Variants in MAF observed in about 807,000 individuals in gnomAD.
MAF encodes the protein MAF bZIP transcription factor, also known as transcription factor Maf.
A neutral mutation model predicts 22.0 loss-of-function variants in MAF; 10 were observed. The ratio of observed to expected loss-of-function variants is 0.45; its 90% CI spans 0.28 to 0.77. The LOEUF is 0.77. MAF is among the 30% of genes least tolerant of loss of function. The probability of loss-of-function intolerance (pLI) is 0.12; values close to 1 mark genes in which losing one functional copy is unlikely to be tolerated. For synonymous variants in MAF, 337 were observed against 255.8 expected, an observed-to-expected ratio of 1.32 and a Z score of -3.03; for missense variants, 544 against 548.4, an observed-to-expected ratio of 0.99 and a Z score of 0.08.
the MAF span, among the ~76,000 whole-genome samples, chr16:79,574,337 T>A: frequency 6.6e-6 from 1 of 152,208 alleles, no homozygotes; most frequent in Non-Finnish European, 1.5e-5. Flanking sequence ...TGATGACAAA[T>A]AAATAAATAT....
Position 79,599,371 on chromosome 16 carries a change from C to T in MAF, c.532G>A (p.Gly178Ser). 2.0e-6 allele frequency: 2 copies of T among 1,000,144 alleles called. No homozygotes were observed. Among genetic ancestry groups the T allele is most frequent in the Non-Finnish European group, 2.4e-6 (2 of 841,572 alleles). 62.0% of individuals were successfully genotyped at this position (1,000,144 alleles called of 1,614,324 possible). A position where few individuals can be genotyped will look rare whatever the true frequency, so the allele number is the denominator to read the frequency against. ...IAAAAAQSGA[G>S]PHYHHHHHHA... The stretch of plus-strand genomic sequence containing the variant: ...TGGTGGTGGTGGTGGTAGTGCGGGC[C>T]CGCGCCGCTCTGCGCGGCGGCCGCG... The change falls in exon 1 of 2, where the codon GGC (glycine) becomes AGC (serine). Residue 178 changes from glycine to serine, a missense_variant. Physicochemically the swap from Gly to Ser is moderately conservative, Grantham distance 56. Transcript: ENST00000326043.
the MAF span, among the ~76,000 whole-genome samples, chr16:79,335,729 G>T: frequency 6.6e-6 from 1 of 152,188 alleles, no homozygotes. Context: ...TGCTGGGGCC[G>T]GGAATCAGGA....
At chr16:79,502,809 T>A in the MAF span, among the ~76,000 whole-genome samples, 1 of 143,236 alleles carries the variant, frequency 7.0e-6, no homozygotes, top group Non-Finnish European at 1.5e-5. Flanking sequence ...GGGGATTAAT[T>A]ATAAAAAAAA....
the MAF span, among the ~76,000 whole-genome samples, chr16:79,211,042 T>C: frequency 6.6e-6 from 1 of 151,846 alleles, no homozygotes; most frequent in African/African-American, 2.4e-5. Flanking sequence ...GGAGTGTGTG[T>C]GTGTGTGTGT....
chr16:79,587,680 T>C (rs778851214), intron 1 of MAF, among the ~76,000 whole-genome samples: 2 of 152,134 alleles, frequency 1.3e-5, no homozygotes, highest in Non-Finnish European at 2.9e-5. Flanking sequence ...CCTGACCATA[T>C]CATTGATAGT....
chr16:79,564,065 G>A, the MAF span, among the ~76,000 whole-genome samples: 2 of 152,208 alleles, frequency 1.3e-5, no homozygotes, highest in Admixed American at 6.5e-5. Flanking sequence ...ATTTCAAGTG[G>A]AGCAGACCCT....
chr16:79,564,168 A>C, the MAF span, among the ~76,000 whole-genome samples: 1 of 152,214 alleles, frequency 6.6e-6, no homozygotes, highest in African/African-American at 2.4e-5. Flanking sequence ...AATTAAATGC[A>C]AAGTCCTGGC....
the MAF span, among the ~76,000 whole-genome samples, chr16:79,383,586 G>A: frequency 2.0e-5 from 3 of 152,174 alleles, no homozygotes; most frequent in African/African-American, 4.8e-5. Flanking sequence ...GCCATGTGAC[G>A]CCAGGCCTCA....
the MAF span, among the ~76,000 whole-genome samples, chr16:79,562,454 A>G: frequency 6.6e-6 from 1 of 152,208 alleles, no homozygotes; most frequent in Non-Finnish European, 1.5e-5. Context: ...TATAGGAGTC[A>G]GAGATATAGT....
At chr16:79,523,258 G>A in the MAF span, among the ~76,000 whole-genome samples, 3 of 152,154 alleles carry the variant, frequency 2.0e-5, no homozygotes. Flanking sequence ...CTCTACCATA[G>A]CAAAGGAGGG....
the MAF span, among the ~76,000 whole-genome samples, chr16:79,373,404 A>T: frequency 1.7e-5 from 1 of 57,864 alleles, no homozygotes; most frequent in Admixed American, 2.8e-4. Context: ...TTTTTTTGAG[A>T]CACAGTCTCG....
At chr16:79,466,603 G>A in the MAF span, among the ~76,000 whole-genome samples, 19 of 152,152 alleles carry the variant, frequency 1.2e-4, no homozygotes, top group African/African-American at 4.3e-4. Context: ...CTACACACCT[G>A]GTGGTCAGCA....
the MAF span, among the ~76,000 whole-genome samples, chr16:79,561,245 AT>A: frequency 1.3e-3 from 189 of 147,756 alleles, no homozygotes; most frequent in African/African-American, 4.0e-3. Flanking sequence ...TATTTTAAAC[AT>A]TTTTTTTTCC....
the MAF span, among the ~76,000 whole-genome samples, chr16:79,259,256 CT>C: frequency 3.2e-4 from 48 of 152,190 alleles, no homozygotes; most frequent in Non-Finnish European, 2.9e-4. Context: ...GATGCCCACG[CT>C]TGCCCACTCC....
the MAF span, among the ~76,000 whole-genome samples, chr16:79,392,856 T>C: frequency 6.6e-6 from 1 of 152,188 alleles, no homozygotes; most frequent in African/African-American, 2.4e-5. Context: ...GAGATGCCTG[T>C]GGGAATCCAC....
the MAF span, among the ~76,000 whole-genome samples, chr16:79,531,948 T>C: frequency 6.6e-6 from 1 of 152,100 alleles, no homozygotes; most frequent in Non-Finnish European, 1.5e-5. Context: ...TTGGATGGTC[T>C]GGGGACCGTG....
the MAF span, among the ~76,000 whole-genome samples, chr16:79,493,542 G>C: frequency 2.6e-5 from 4 of 152,138 alleles, no homozygotes; most frequent in African/African-American, 9.7e-5. Flanking sequence ...TTGAACTCCT[G>C]ATTTCAAGTG....
chr16:79,374,752 A>T, the MAF span, among the ~76,000 whole-genome samples: 4 of 152,308 alleles, frequency 2.6e-5, no homozygotes, highest in South Asian at 8.3e-4. Context: ...AAATTGGAAG[A>T]GGTAATTTAT....
At chr16:79,362,369 C>A in the MAF span, among the ~76,000 whole-genome samples, 4 of 152,156 alleles carry the variant, frequency 2.6e-5, no homozygotes, top group Non-Finnish European at 5.9e-5. Flanking sequence ...CTTGAATATA[C>A]GAGTTACCCC....
Sources: gnomAD v4.1 joint callset for allele counts (sites outside exome capture counted in the v4.1 genomes callset) on GRCh38, gnomAD v4.1.1 for gene constraint, MANE v1.5 for transcripts, NCBI Gene and HGNC (gene_info 2026-07-23, HGNC 2026-07-21) for gene names.